Variants in PPIG observed in about 807,000 individuals in gnomAD.
The protein encoded by PPIG is peptidyl-prolyl cis-trans isomerase G.
A neutral mutation model predicts 87.9 loss-of-function variants in PPIG; 26 were observed. The observed-to-expected ratio is 0.30, with a 90% CI of 0.22 to 0.41. PPIG has a LOEUF of 0.41. PPIG is among the 10% of genes least tolerant of loss of function. The pLI is 1.00. For missense variants in PPIG, 722 were observed against 879.4 expected (o/e 0.82, Z 2.26); for synonymous variants, 308 against 276.5 (o/e 1.11, Z -1.13).
chr2:169,636,737 T>G lies in PPIG; in HGVS notation c.1479T>G (p.Asp493Glu). Residue 493 changes from aspartate (D) to glutamate (E), a missense_variant, in exon 14 of 14, where the codon GAT becomes GAG. This residue lies in a region of PPIG where 476 missense variants were observed against 483.1 expected (regional missense o/e 0.99). Transcript: ENST00000260970. ...TGAGGTCAAGGAGTAAAGGAAGGGA[T>G]CATGAAAATGTTAAAGAAAAAGAAA... ...KRMRSRSKGR[D>E]HENVKEKEKQ... is the part of the protein sequence containing the mutation. 1 of 1,611,764 alleles carries G rather than the reference T, an allele frequency of 6.2e-7. No individual in the cohort carries two copies. The highest frequency in any genetic ancestry group is 8.5e-7 in the Non-Finnish European group (1 of 1,179,578).
intron 1 of PPIG, among the ~76,000 whole-genome samples, chr2:169,590,421 A>G (rs1684832606): frequency 6.6e-6 from 1 of 152,196 alleles, no homozygotes; most frequent in African/African-American, 2.4e-5. Context: ...CAGGCGGATC[A>G]CCAGGTCAGG....
chr2:169,590,510 C>T (rs189459949), intron 1 of PPIG, among the ~76,000 whole-genome samples: 2 of 152,092 alleles, frequency 1.3e-5, no homozygotes, highest in East Asian at 1.9e-4. Context: ...GGCGTGGTGG[C>T]GGGTGCCTGT....
chr2:169,633,368 G>T (rs1686107463), intron 12 of PPIG, 121 bp downstream of exon 12: 2 of 756,308 alleles, frequency 2.6e-6, no homozygotes, highest in South Asian at 3.2e-5. Context: ...GGAGATGCAG[G>T]CATTGAATTA....
chr2:169,616,902 T>G (rs1171575972), intron 9 of PPIG, among the ~76,000 whole-genome samples: 1 of 152,224 alleles, frequency 6.6e-6, no homozygotes, highest in Non-Finnish European at 1.5e-5. Context: ...TTTTGGTGTT[T>G]TAGTCATGAA....
chr2:169,628,196 C>T (rs1305355615), intron 9 of PPIG, among the ~76,000 whole-genome samples: 2 of 152,118 alleles, frequency 1.3e-5, no homozygotes, highest in Non-Finnish European at 1.5e-5. Context: ...ATGGCTGGTA[C>T]ATCAACAGCA....
chr2:169,589,456 G>T (rs1451841800), intron 1 of PPIG, among the ~76,000 whole-genome samples: 1 of 152,130 alleles, frequency 6.6e-6, no homozygotes, highest in East Asian at 1.9e-4. Context: ...GGCTAAAGAG[G>T]CTGGTAGGAA....
chr2:169,610,283 G>A (rs1250584719), intron 7 of PPIG, among the ~76,000 whole-genome samples: 1 of 152,168 alleles, frequency 6.6e-6, no homozygotes, highest in African/African-American at 2.4e-5. Context: ...TGTAAAGAAA[G>A]ACCAACTAAC....
In PPIG at chr2:169,640,962, G is replaced by C. The variant is rs151068559; in HGVS notation, c.*3439G>C. ...TTGAGGGGTTTAGTTTGTTTTAAAA[G>C]GTATGTGAGGGAGTGGTGGGGTGGA... is the stretch of plus-strand genomic sequence containing the variant. On this transcript the variant is annotated 3_prime_UTR_variant, in exon 14 of 14. Coordinates refer to ENST00000260970, the MANE Select transcript of PPIG (RefSeq NM_004792.3). 1 of 152,116 alleles carries C rather than the reference G, an allele frequency of 6.6e-6. No individual in the cohort carries two copies. The highest frequency in any genetic ancestry group is 2.1e-4 in the South Asian group (1 of 4,830). The allele number at this position is 152,116 out of a possible 1,614,324, so 9.4% of individuals were successfully genotyped here. A position where few individuals can be genotyped will look rare whatever the true frequency, so the allele number is the denominator to read the frequency against.
intron 5 of PPIG, among the ~76,000 whole-genome samples, chr2:169,606,591 C>CAAAAAAAA (rs71006009): frequency 0.034 from 2,916 of 84,824 alleles, 206 homozygotes; most frequent in East Asian, 0.15. Flanking sequence ...GACTCTGTCT[C>CAAAAAAAA]AAAAAAAAAA....
At chr2:169,603,202 A>G (rs1046691971) in intron 1 of PPIG, among the ~76,000 whole-genome samples, 1 of 152,198 alleles carries the variant, frequency 6.6e-6, no homozygotes, top group African/African-American at 2.4e-5. Flanking sequence ...ATCATTTTGG[A>G]TACTATTTAC....
intron 1 of PPIG, 58 bp downstream of exon 1, chr2:169,584,548 C>G (rs1052148255): frequency 3.6e-5 from 17 of 467,220 alleles, no homozygotes; most frequent in Middle Eastern, 3.3e-4. Flanking sequence ...TCCCTGCGTA[C>G]GAAAGCGGGA....
chr2:169,612,321 T>C (rs1685510817), intron 7 of PPIG, among the ~76,000 whole-genome samples: 1 of 152,128 alleles, frequency 6.6e-6, no homozygotes, highest in African/African-American at 2.4e-5. Context: ...GTATCTGGCT[T>C]GTTTCACTTA....
At chr2:169,625,012 G>C (rs1455887264) in intron 9 of PPIG, among the ~76,000 whole-genome samples, 8 of 152,186 alleles carry the variant, frequency 5.3e-5, no homozygotes, top group African/African-American at 1.9e-4. Context: ...ACAGCGTGAT[G>C]TTATGATACA....
At position 169,638,352 on chromosome 2, in the gene PPIG, AAGCTTTTCTCATTAAAAC is replaced by A. The variant is rs1299437744; in HGVS notation, c.*831_*848del. On this transcript the variant is annotated 3_prime_UTR_variant, in exon 14 of 14. Coordinates refer to ENST00000260970, the MANE Select transcript of PPIG (RefSeq NM_004792.3). ...CCTTCTCTAAACTTTAAAAAAAAAA[AAGCTTTTCTCATTAAAAC>A]ATACCATTTGTGCAGGTCCTTAAGC... 1 of 151,846 alleles carries A rather than the reference AAGCTTTTCTCATTAAAAC, an allele frequency of 6.6e-6. No homozygotes were observed. Among genetic ancestry groups the A allele is most frequent in the Non-Finnish European group, 1.5e-5 (1 of 67,902 alleles). The allele number at this position is 151,846 out of a possible 1,614,324, so 9.4% of individuals were successfully genotyped here. A position where few individuals can be genotyped will look rare whatever the true frequency, so the allele number is the denominator to read the frequency against.
Position 169,636,645 on chromosome 2 carries a change from A to C in PPIG, c.1387A>C (p.Lys463Gln), listed in dbSNP as rs1558903895. Residue 463 changes from lysine to glutamine, a missense_variant, in exon 14 of 14, where the codon AAG becomes CAG. Around this residue, in one of 4 missense-constraint regions of PPIG, gnomAD observed 476 missense variants for 483.1 expected, o/e 0.99. Transcript: ENST00000260970. Reference sequence around the variant, plus strand: ...AAGGGCCAAATCTAAAAGTAGGAGTAAGAGCAAAGAGAAATCAAAGAGTAA... The same window carrying C: ...AAGGGCCAAATCTAAAAGTAGGAGTCAGAGCAAAGAGAAATCAAAGAGTAA... ...KKRAKSKSRS[K>Q]SKEKSKSKER... 1 of 1,596,992 alleles carries C rather than the reference A, an allele frequency of 6.3e-7. No homozygotes were observed. Among genetic ancestry groups the C allele is most frequent in the Non-Finnish European group, 8.5e-7 (1 of 1,176,034 alleles).
At chr2:169,612,294 AC>A (rs750459395) in intron 7 of PPIG, among the ~76,000 whole-genome samples, 3 of 151,810 alleles carry the variant, frequency 2.0e-5, no homozygotes, top group Non-Finnish European at 4.4e-5. Flanking sequence ...GTGGAATTCC[AC>A]AATTTTTGTC....
intron 1 of PPIG, among the ~76,000 whole-genome samples, chr2:169,592,303 CTTTTTTTT>C (rs777690234): frequency 2.2e-4 from 21 of 93,598 alleles, no homozygotes; most frequent in African/African-American, 7.4e-4. Flanking sequence ...TGTCTTTTTT[CTTTTTTTT>C]TTTTTTTTTT....
In PPIG at chr2:169,630,922, G is replaced by T; in HGVS notation, c.696G>T (p.Lys232Asn). 6.2e-7 allele frequency: 1 copy of T among 1,600,652 alleles called. No homozygotes were observed. The highest frequency in any genetic ancestry group is 8.5e-7 in the Non-Finnish European group (1 of 1,176,988). ...AAGAGAAATCAAAGAAAAGAAAAAA[G>T]AAACATCGGAAAAATTCCCGAAAAC... ...ATEEKSKKRK[K>N]KHRKNSRKHK... The change falls in exon 10 of 14, where the codon AAG (lysine) becomes AAT (asparagine). Residue 232 changes from lysine (K) to asparagine (N), a missense_variant. Physicochemically the swap from Lys to Asn is moderately conservative, Grantham distance 94 (BLOSUM62 0). Transcript: ENST00000260970.
chr2:169,613,319 G>T (rs1421292290), intron 7 of PPIG, among the ~76,000 whole-genome samples: 1 of 152,062 alleles, frequency 6.6e-6, no homozygotes, highest in African/African-American at 2.4e-5. Flanking sequence ...TAAAAATTCA[G>T]CTATATGTTA....
Sources: gnomAD v4.1 joint callset for allele counts (sites outside exome capture counted in the v4.1 genomes callset) on GRCh38, gnomAD v4.1.1 for gene constraint, gnomAD v4.1.1 regional missense constraint, MANE v1.5 for transcripts, NCBI Gene and HGNC (gene_info 2026-07-23, HGNC 2026-07-21) for gene names.